The following IL17B variants were observed in gnomAD, a reference collection of about 807,000 sequenced individuals.
IL17B encodes the protein interleukin-17B.
In IL17B, 14 loss-of-function variants were observed where a neutral mutation model predicts 14.7. The ratio of observed to expected loss-of-function variants is 0.95; its 90% confidence interval spans 0.63 to 1.49. IL17B has a LOEUF of 1.49. Among genes scored for constraint, IL17B ranks in the 40% most tolerant of loss-of-function variants. The pLI is 0.00. For missense variants in IL17B, 233 were observed against 252.8 expected, an observed-to-expected ratio of 0.92 and a Z score of 0.53; for synonymous variants, 105 against 94.8, an observed-to-expected ratio of 1.11 and a Z score of -0.62.
intron 1 of IL17B, among the ~76,000 whole-genome samples, chr5:149,385,221 GGC>G (rs1341139344): frequency 1.3e-5 from 2 of 151,972 alleles, no homozygotes; most frequent in African/African-American, 2.4e-5. Context: ...CGGACGTGGT[GGC>G]GCATGCCTGT....
chr5:149,379,062 TCTA>T, intron 1 of IL17B, 140 bp downstream of exon 1: 2 of 993,640 alleles, frequency 2.0e-6, no homozygotes, highest in African/African-American at 3.2e-5. Flanking sequence ...TCTGTTTCTT[TCTA>T]GTCCTGGGGG....
At chr5:149,380,958 C>A (rs779103358), upstream of IL17B, among the ~76,000 whole-genome samples, 3 of 152,246 alleles carry the variant, frequency 2.0e-5, no homozygotes, top group Non-Finnish European at 1.5e-5. Flanking sequence ...AAAATACCTC[C>A]TCAGGCAACA....
Position 149,392,096 on chromosome 5 carries a change from C to T in IL17B, n.95+12012G>A, listed in dbSNP as rs116581533. Among the ~76,000 whole-genome samples the T allele has an allele frequency of 7.6e-3, 1,162 of 152,304 alleles. 9 individuals carry two copies. The highest frequency in any genetic ancestry group is 0.026 in the African/African-American group (1,099 of 41,548). On this transcript the variant is annotated intron_variant and non_coding_transcript_variant, in intron 1 of 2. Transcript: ENST00000505432. Reference sequence around the variant, plus strand: ...CAACCTCCATGAGGGAGGTGGGTAACGGGATAGAGTAATATCTATGAGAAT... The same window carrying T: ...CAACCTCCATGAGGGAGGTGGGTAATGGGATAGAGTAATATCTATGAGAAT...
intron 1 of IL17B, among the ~76,000 whole-genome samples, chr5:149,390,774 T>C (rs1758932716): frequency 6.6e-6 from 1 of 152,132 alleles, no homozygotes; most frequent in Non-Finnish European, 1.5e-5. Flanking sequence ...TCTTTTCTCA[T>C]TTCTATTTTT....
intron 1 of IL17B, among the ~76,000 whole-genome samples, chr5:149,400,818 C>T (rs529517731): frequency 6.6e-6 from 1 of 152,240 alleles, no homozygotes; most frequent in South Asian, 2.1e-4. Flanking sequence ...GGTGTAAGTC[C>T]CAGAGTCCCA....
intron 1 of IL17B, among the ~76,000 whole-genome samples, chr5:149,395,486 G>A (rs1249298532): frequency 6.6e-6 from 1 of 152,136 alleles, no homozygotes; most frequent in African/African-American, 2.4e-5. Context: ...GCTGGTGATT[G>A]AACAGCAACA....
intron 1 of IL17B, among the ~76,000 whole-genome samples, chr5:149,398,737 T>C (rs978095049): frequency 5.3e-5 from 8 of 152,086 alleles, no homozygotes; most frequent in African/African-American, 2.4e-5. Flanking sequence ...ATAAACCCCA[T>C]CTCTACTAAA....
At chr5:149,378,507 C>T (rs1300059650) in intron 1 of IL17B, among the ~76,000 whole-genome samples, 1 of 152,240 alleles carries the variant, frequency 6.6e-6, no homozygotes, top group Non-Finnish European at 1.5e-5. Context: ...GCACCTCTGA[C>T]TCCTCTTAAA....
chr5:149,391,504 A>G (rs1450758287), intron 1 of IL17B, among the ~76,000 whole-genome samples: 1 of 152,144 alleles, frequency 6.6e-6, no homozygotes, highest in Non-Finnish European at 1.5e-5. Context: ...ATTCTTCCCA[A>G]TTTTAGAGTT....
upstream of IL17B, among the ~76,000 whole-genome samples, chr5:149,380,632 G>A (rs576902227): frequency 6.6e-6 from 1 of 152,314 alleles, no homozygotes; most frequent in Non-Finnish European, 1.5e-5. Context: ...ATGTAAGCGG[G>A]CACATCCACC....
intron 1 of IL17B, among the ~76,000 whole-genome samples, chr5:149,399,752 G>A (rs556571858): frequency 1.2e-4 from 19 of 152,278 alleles, no homozygotes; most frequent in African/African-American, 4.6e-4. Context: ...GGTTTCTGAG[G>A]ACAGTGTTGT....
chr5:149,385,955 A>G (rs570963736), intron 1 of IL17B, among the ~76,000 whole-genome samples: 25 of 152,330 alleles, frequency 1.6e-4, no homozygotes, highest in Admixed American at 5.2e-4. Flanking sequence ...TAGGGAGAGG[A>G]GTCCTGGGGG....
At chr5:149,378,576 G>C (rs946633419) in intron 1 of IL17B, among the ~76,000 whole-genome samples, 1 of 152,224 alleles carries the variant, frequency 6.6e-6, no homozygotes, top group African/African-American at 2.4e-5. Context: ...CAGCCCCATG[G>C]CCCATGCCTG....
chr5:149,382,014 C>T (rs1475099697), upstream of IL17B, among the ~76,000 whole-genome samples: 1 of 152,156 alleles, frequency 6.6e-6, no homozygotes, highest in Non-Finnish European at 1.5e-5. Context: ...TCGCTCAGAG[C>T]CCTCTGCAGC....
At chr5:149,381,589 C>G (rs1174420737), upstream of IL17B, among the ~76,000 whole-genome samples, 1 of 152,246 alleles carries the variant, frequency 6.6e-6, no homozygotes. Flanking sequence ...AGAGGCAGGC[C>G]AGTCCTTGTG....
At chr5:149,397,056 G>A (rs1190381467) in intron 1 of IL17B, among the ~76,000 whole-genome samples, 4 of 152,300 alleles carry the variant, frequency 2.6e-5, no homozygotes, top group Admixed American at 2.0e-4. Context: ...TACTTGGAGA[G>A]TGGTTGTGGT....
chr5:149,391,713 C>T (rs1758968702), intron 1 of IL17B, among the ~76,000 whole-genome samples: 1 of 152,316 alleles, frequency 6.6e-6, no homozygotes, highest in South Asian at 2.1e-4. Context: ...CGTCACTGAG[C>T]TGTCAGTGGA....
At chr5:149,390,630 C>CACACACACAGAGAGAGAG (rs1491235916) in intron 1 of IL17B, among the ~76,000 whole-genome samples, 32 of 132,080 alleles carry the variant, frequency 2.4e-4, no homozygotes, top group African/African-American at 9.0e-4. Context: ...CACACACACA[C>CACACACACAGAGAGAGAG]AGAGATACAC....
At chr5:149,399,006 G>C (rs1759155150) in intron 1 of IL17B, among the ~76,000 whole-genome samples, 1 of 152,230 alleles carries the variant, frequency 6.6e-6, no homozygotes, top group Non-Finnish European at 1.5e-5. Flanking sequence ...AGAGAGAAGA[G>C]TGCTTGTCTA....
Sources: allele counts gnomAD v4.1 joint callset (sites outside exome capture counted in the v4.1 genomes callset), GRCh38; gene constraint gnomAD v4.1.1; transcripts MANE v1.5; gene names NCBI Gene and HGNC (gene_info 2026-07-23, HGNC 2026-07-21).